POU2F1: variants seen among roughly 807,000 people sequenced by gnomAD.
POU2F1 encodes the protein POU class 2 homeobox 1, also known as POU domain, class 2, transcription factor 1.
In POU2F1, 16 loss-of-function variants were observed where a neutral mutation model predicts 84.9. The ratio of observed to expected loss-of-function variants is 0.19; its 90% CI spans 0.13 to 0.29. The LOEUF is 0.29. Ranked by LOEUF, POU2F1 falls within the 10% of genes least tolerant of loss-of-function variation. POU2F1 has a pLI of 1.00. For missense variants in POU2F1, 738 were observed against 942.6 expected (o/e 0.78, Z 2.84); for synonymous variants, 368 against 368.3 (o/e 1.00, Z 0.01).
At chr1:167,282,151 T>C (rs1290596104) in intron 1 of POU2F1, among the ~76,000 whole-genome samples, 1 of 151,896 alleles carries the variant, frequency 6.6e-6, no homozygotes, top group Non-Finnish European at 1.5e-5. Flanking sequence ...TTTCTTATTT[T>C]TTTTTTTTCT....
intron 3 of POU2F1, among the ~76,000 whole-genome samples, chr1:167,368,530 C>T (rs1659825983): frequency 6.6e-6 from 1 of 152,050 alleles, no homozygotes; most frequent in Non-Finnish European, 1.5e-5. Context: ...CAGACTTTTA[C>T]CCTGAAACGT....
At chr1:167,328,947 C>A in intron 1 of POU2F1, 1 of 806,810 alleles carries the variant, frequency 1.2e-6, no homozygotes, top group Non-Finnish European at 1.5e-6. Flanking sequence ...TGGAAACTGC[C>A]AGCTGCAATC....
chr1:167,271,477 G>A (rs922405663), intron 1 of POU2F1, among the ~76,000 whole-genome samples: 1 of 152,218 alleles, frequency 6.6e-6, no homozygotes, highest in Non-Finnish European at 1.5e-5. Context: ...AGATTGGTCA[G>A]ACTTCTATAT....
intron 1 of POU2F1, among the ~76,000 whole-genome samples, chr1:167,330,032 A>T (rs1232098571): frequency 6.6e-6 from 1 of 152,178 alleles, no homozygotes; most frequent in Non-Finnish European, 1.5e-5. Context: ...GGTGATGAAG[A>T]TTTCAAATAA....
chr1:167,289,350 G>C (rs1299286249), intron 1 of POU2F1, among the ~76,000 whole-genome samples: 1 of 152,212 alleles, frequency 6.6e-6, no homozygotes, highest in Non-Finnish European at 1.5e-5. Context: ...TGCTCAGCAA[G>C]CTTACCTTCT....
At chr1:167,377,899 A>G (rs376399815) in intron 7 of POU2F1, among the ~76,000 whole-genome samples, 2 of 151,964 alleles carry the variant, frequency 1.3e-5, no homozygotes, top group Non-Finnish European at 2.9e-5. Context: ...TTATGGCTGT[A>G]TAGTATTCCG....
chr1:167,396,304 A>G lies in POU2F1; in HGVS notation c.1006A>G (p.Met336Val), dbSNP rs1333067224. Residue 336 changes from methionine to valine, a missense_variant, in exon 10 of 16, where the codon ATG (methionine) becomes GTG (valine). By Grantham distance (21) the Met-to-Val change is conservative. Coordinates refer to ENST00000367866, the MANE Select transcript of POU2F1 (RefSeq NM_002697.4). ...GFTQGDVGLA[M>V]GKLYGNDFSQ... is the part of the protein sequence containing the mutation. ...TGTGTAGGGTGATGTTGGGCTCGCT[A>G]TGGGGAAACTATATGGAAATGACTT... 3.7e-6 allele frequency: 6 copies of G among 1,614,014 alleles called. No homozygotes were observed. Among genetic ancestry groups the G allele is most frequent in the South Asian group, 2.2e-5 (2 of 91,072 alleles).
At chr1:167,353,621 A>G (rs1658735212) in intron 2 of POU2F1, among the ~76,000 whole-genome samples, 1 of 152,152 alleles carries the variant, frequency 6.6e-6, no homozygotes, top group Admixed American at 6.5e-5. Context: ...GAAAGAAACG[A>G]TCATCACTCA....
chr1:167,253,199 C>A (rs1318789050), intron 1 of POU2F1, among the ~76,000 whole-genome samples: 2 of 152,220 alleles, frequency 1.3e-5, no homozygotes, highest in Non-Finnish European at 2.9e-5. Flanking sequence ...GAAAAGCCTA[C>A]TGCTCTTGCT....
intron 1 of POU2F1, among the ~76,000 whole-genome samples, chr1:167,262,063 A>G (rs1217465342): frequency 6.6e-6 from 1 of 152,248 alleles, no homozygotes; most frequent in African/African-American, 2.4e-5. Flanking sequence ...ATAGAACCTT[A>G]GGAACCTTCT....
chr1:167,412,337 G>A (rs369658686), intron 14 of POU2F1, 33 bp downstream of exon 14: 1 of 1,482,542 alleles, frequency 6.7e-7, no homozygotes, highest in Non-Finnish European at 9.1e-7. Flanking sequence ...TCACGTCTGA[G>A]GTGGAGGTCA....
chr1:167,274,437 G>C (rs1652579401), intron 1 of POU2F1, among the ~76,000 whole-genome samples: 1 of 151,796 alleles, frequency 6.6e-6, no homozygotes, highest in African/African-American at 2.4e-5. Flanking sequence ...TTTCCTTCTA[G>C]GTCTTTTGAG....
intron 1 of POU2F1, among the ~76,000 whole-genome samples, chr1:167,221,906 C>G (rs1200152884): frequency 1.3e-5 from 2 of 151,668 alleles, no homozygotes; most frequent in African/African-American, 4.8e-5. Context: ...CCGCGCGCCC[C>G]CGGCCGGCGG....
At chr1:167,353,253 G>A (rs1020644374) in intron 2 of POU2F1, among the ~76,000 whole-genome samples, 1 of 151,528 alleles carries the variant, frequency 6.6e-6, no homozygotes, top group East Asian at 1.9e-4. Flanking sequence ...GAAAATATCT[G>A]CCTTTTGATT....
intron 1 of POU2F1, among the ~76,000 whole-genome samples, chr1:167,236,130 C>T (rs374788245): frequency 1.1e-3 from 166 of 151,554 alleles, no homozygotes; most frequent in African/African-American, 3.5e-3. Context: ...TTTAGACAGA[C>T]GATTGCTCTG....
chr1:167,225,485 A>G (rs1171592058), intron 1 of POU2F1, among the ~76,000 whole-genome samples: 1 of 152,254 alleles, frequency 6.6e-6, no homozygotes, highest in Admixed American at 6.5e-5. Context: ...CCTAGTTTGA[A>G]GTAATTGTCA....
intron 1 of POU2F1, among the ~76,000 whole-genome samples, chr1:167,285,409 G>A (rs1467491653): frequency 6.6e-6 from 1 of 152,072 alleles, no homozygotes; most frequent in Non-Finnish European, 1.5e-5. Flanking sequence ...TCGAGACCAT[G>A]GTGAAACCCA....
At chr1:167,233,907 T>C (rs12139104) in intron 1 of POU2F1, among the ~76,000 whole-genome samples, 22,533 of 152,284 alleles carry the variant, frequency 0.15, 1,998 homozygotes, top group Non-Finnish European at 0.2. Context: ...ATCAAGTCTT[T>C]GTGCCAGTTG....
At chr1:167,293,007 T>G (rs1168363948) in intron 1 of POU2F1, among the ~76,000 whole-genome samples, 1 of 152,140 alleles carries the variant, frequency 6.6e-6, no homozygotes, top group African/African-American at 2.4e-5. Context: ...GACTTTTACC[T>G]TAAATTAGTA....
Sources: gnomAD v4.1 joint callset for allele counts (sites outside exome capture counted in the v4.1 genomes callset) on GRCh38, gnomAD v4.1.1 for gene constraint, MANE v1.5 for transcripts, NCBI Gene and HGNC (gene_info 2026-07-23, HGNC 2026-07-21) for gene names.